Variants in DAAM2 observed in about 807,000 individuals in gnomAD.
The protein encoded by DAAM2 is dishevelled associated activator of morphogenesis 2, also known as disheveled-associated activator of morphogenesis 2.
In DAAM2, 39 loss-of-function variants were observed where a neutral mutation model predicts 120.7. The ratio of observed to expected loss-of-function variants is 0.32; its 90% CI spans 0.25 to 0.42. DAAM2 has a LOEUF of 0.42. DAAM2 is among the 10% of genes least tolerant of loss of function. The pLI is 1.00. For missense variants in DAAM2, 1,283 were observed against 1,401.7 expected (o/e 0.92, Z 1.35); for synonymous variants, 488 against 524.9 (o/e 0.93, Z 0.96).
At position 39,879,902 on chromosome 6, in the gene DAAM2, A is replaced by C. The variant is rs73430540; in HGVS notation, c.1845+425A>C. 0.013 allele frequency: 3,621 copies of C among 271,428 alleles called. 154 individuals carry two copies. The East Asian group carries it at 0.16, about 12-fold the overall frequency. The allele number at this position is 271,428 out of a possible 1,614,324, so 16.8% of individuals were successfully genotyped here. On this transcript the variant is annotated intron_variant, in intron 14 of 24. Transcript: ENST00000274867. The stretch of plus-strand genomic sequence containing the variant: ...GGACTAAAGAGTTTGATGGCAAGAC[A>C]TAGCTATTTTGGCATCTTCCTGGGG...
At chr6:39,817,509 G>T (rs918639350) in intron 1 of DAAM2, among the ~76,000 whole-genome samples, 12 of 152,152 alleles carry the variant, frequency 7.9e-5, no homozygotes, top group African/African-American at 2.9e-4. Context: ...TAAAGGAAAA[G>T]GGAGTCTGGT....
chr6:39,881,079 T>A (rs999951430), intron 14 of DAAM2, among the ~76,000 whole-genome samples: 30 of 152,226 alleles, frequency 2.0e-4, no homozygotes, highest in African/African-American at 7.2e-4. Context: ...GTTATGCACA[T>A]CAATAATGAA....
At chr6:39,865,637 T>C (rs1277894818) in intron 5 of DAAM2, among the ~76,000 whole-genome samples, 1 of 152,212 alleles carries the variant, frequency 6.6e-6, no homozygotes, top group Non-Finnish European at 1.5e-5. Context: ...GTGGGGCTCC[T>C]TGTGTCTGGG....
intron 1 of DAAM2, among the ~76,000 whole-genome samples, chr6:39,812,925 A>G (rs540215301): frequency 6.6e-6 from 1 of 152,262 alleles, no homozygotes; most frequent in South Asian, 2.1e-4. Context: ...TCACCAAGAA[A>G]GCACGATTCC....
Position 39,840,288 on chromosome 6 carries a change from C to A in DAAM2, c.-56-15959C>A, listed in dbSNP as rs78155861. Among the ~76,000 whole-genome samples the A allele has an allele frequency of 4.7e-3, 720 of 152,308 alleles. 5 individuals carry two copies. Among genetic ancestry groups the A allele is most frequent in the African/African-American group, 0.016 (669 of 41,572 alleles). The stretch of plus-strand genomic sequence containing the variant: ...GGTCAGAACCTGCCTCTAATCCTGG[C>A]TCAGTCAGTTTTGTGCTTGTGACCT... On this transcript the variant is annotated intron_variant, in intron 1 of 24. Transcript: ENST00000274867.
rs73734911 is a variant in DAAM2 at position 39,834,459 on chromosome 6, G to A, written c.-56-21788G>A. 6.9e-3 allele frequency among the ~76,000 whole-genome samples: 1,050 copies of A among 152,210 alleles called. 13 individuals carry two copies. Among genetic ancestry groups the A allele is most frequent in the African/African-American group, 0.023 (974 of 41,524 alleles). ...TGATTTGCAGCAGTAGCTCCTGTTC[G>A]CCGAGCCTGGTACAGCCCTGACTCT... On this transcript the variant is annotated intron_variant, in intron 1 of 24. Transcript: ENST00000274867.
chr6:39,815,147 T>C (rs1762271514), intron 1 of DAAM2, among the ~76,000 whole-genome samples: 1 of 152,254 alleles, frequency 6.6e-6, no homozygotes, highest in African/African-American at 2.4e-5. Flanking sequence ...CCCAGCGATT[T>C]GTGTCTTATC....
At chr6:39,859,897 A>T (rs1764144127) in intron 2 of DAAM2, among the ~76,000 whole-genome samples, 1 of 152,182 alleles carries the variant, frequency 6.6e-6, no homozygotes, top group Admixed American at 6.5e-5. Context: ...TCAAAATTTA[A>T]GACTATTATA....
chr6:39,801,302 T>G (rs1389741819), intron 1 of DAAM2, among the ~76,000 whole-genome samples: 23 of 152,198 alleles, frequency 1.5e-4, no homozygotes, highest in Non-Finnish European at 4.4e-5. Flanking sequence ...GTGGCAAAAC[T>G]GGGCAGACTG....
intron 1 of DAAM2, among the ~76,000 whole-genome samples, chr6:39,853,711 G>A (rs1325519899): frequency 6.6e-6 from 1 of 152,166 alleles, no homozygotes; most frequent in Non-Finnish European, 1.5e-5. Context: ...GCAGAAAGAG[G>A]GGTCACAGGT....
At chr6:39,887,817 C>A in intron 16 of DAAM2, 1 of 503,926 alleles carries the variant, frequency 2.0e-6, no homozygotes, top group African/African-American at 1.9e-5. Context: ...CAGCGTCTGG[C>A]AGCTGAGTTG....
chr6:39,827,005 G>C (rs1174341005), intron 1 of DAAM2, among the ~76,000 whole-genome samples: 1 of 152,064 alleles, frequency 6.6e-6, no homozygotes, highest in Non-Finnish European at 1.5e-5. Context: ...AATATTTAGG[G>C]GAAATATTCA....
intron 11 of DAAM2, among the ~76,000 whole-genome samples, chr6:39,876,045 A>T (rs1297555785): frequency 6.6e-6 from 1 of 152,212 alleles, no homozygotes; most frequent in East Asian, 1.9e-4. Flanking sequence ...CCTTTATAGA[A>T]AGTTTGCTGA....
chr6:39,895,507 A>G (rs1766024990), intron 19 of DAAM2, among the ~76,000 whole-genome samples: 1 of 152,160 alleles, frequency 6.6e-6, no homozygotes, highest in East Asian at 1.9e-4. Flanking sequence ...AAGTGCTGGT[A>G]TAGCTTCTTT....
At chr6:39,877,802 G>T (rs113351349) in intron 11 of DAAM2, among the ~76,000 whole-genome samples, 58 of 152,258 alleles carry the variant, frequency 3.8e-4, no homozygotes, top group African/African-American at 1.4e-3. Flanking sequence ...CCATGGTAGG[G>T]CCAATATTTT....
At chr6:39,839,190 T>C (rs1763227299) in intron 1 of DAAM2, among the ~76,000 whole-genome samples, 1 of 152,096 alleles carries the variant, frequency 6.6e-6, no homozygotes, top group South Asian at 2.1e-4. Flanking sequence ...TAACTTTGGA[T>C]AGAAAGTGTG....
rs1410360160 is a variant in DAAM2, at chr6:39,873,243, C to T, written c.1050C>T (p.His350=). The T allele has an allele frequency of 3.7e-6, 6 of 1,609,856 alleles. No homozygotes were observed. The African/African-American group carries it at 4.0e-5, about 11-fold the overall frequency. Reference sequence around the variant, plus strand: ...TGTGCCCTCTTCTCTCCCAGGTCCACATCGACACCAAGAGTGCTTCCCAGA... The same window carrying T: ...TGTGCCCTCTTCTCTCCCAGGTCCATATCGACACCAAGAGTGCTTCCCAGA... ...LELARRFDMV[H]IDTKSASQMF... Residue 350 remains histidine, a synonymous_variant, in exon 10 of 25, where the codon CAC becomes CAT. Transcript: ENST00000274867.
intron 19 of DAAM2, among the ~76,000 whole-genome samples, chr6:39,894,255 C>A (rs1218961741): frequency 6.6e-6 from 1 of 152,066 alleles, no homozygotes; most frequent in Non-Finnish European, 1.5e-5. Flanking sequence ...TCTGTTTTGC[C>A]AACATTTTAG....
At chr6:39,824,376 C>A (rs1184116657) in intron 1 of DAAM2, among the ~76,000 whole-genome samples, 1 of 152,184 alleles carries the variant, frequency 6.6e-6, no homozygotes, top group East Asian at 1.9e-4. Flanking sequence ...CTGTGGCATC[C>A]TGTAGCTAAA....
Sources: allele counts gnomAD v4.1 joint callset (sites outside exome capture counted in the v4.1 genomes callset), GRCh38; gene constraint gnomAD v4.1.1; transcripts MANE v1.5; gene names NCBI Gene and HGNC (gene_info 2026-07-23, HGNC 2026-07-21).